RANBP17: variants seen among roughly 807,000 people sequenced by gnomAD.
The protein encoded by RANBP17 is RAN binding protein 17.
In RANBP17, 158 loss-of-function variants were observed where a neutral mutation model predicts 141.2. That is an observed-to-expected ratio of 1.12 (90% CI 0.98 to 1.28). The LOEUF (loss-of-function observed/expected upper bound fraction) is 1.28. Ranked by LOEUF, RANBP17 falls within the 50% of genes most tolerant of loss-of-function variation. The probability of loss-of-function intolerance (pLI) is 0.00; values close to 1 mark genes in which losing one functional copy is unlikely to be tolerated. For synonymous variants in RANBP17, 430 were observed against 450.0 expected (o/e 0.96, Z 0.56); for missense variants, 1,438 against 1,290.7 (o/e 1.11, Z -1.75).
rs143631212 is a variant in RANBP17 at position 171,160,832 on chromosome 5, G to A, written c.1711-9298G>A. Among the ~76,000 whole-genome samples the A allele has an allele frequency of 4.0e-5, 6 of 151,894 alleles. No homozygotes were observed. In the East Asian group the frequency reaches 1.2e-3, roughly 29 times the overall value. ...TTTGAGATGAAGTCTCACTCTTGTCGCCCAGGCTAGAATGCAATGGAGCAG... is the reference window on the plus strand; with the variant it reads ...TTTGAGATGAAGTCTCACTCTTGTCACCCAGGCTAGAATGCAATGGAGCAG... On this transcript the variant is annotated intron_variant, in intron 14 of 27. Transcript: ENST00000523189.
chr5:170,949,411 C>T (rs1775026605), intron 12 of RANBP17, among the ~76,000 whole-genome samples: 4 of 151,998 alleles, frequency 2.6e-5, no homozygotes, highest in African/African-American at 9.7e-5. Context: ...TAAAAATGGG[C>T]AATGGATTTG....
chr5:170,918,811 T>G lies in RANBP17; in HGVS notation c.1053T>G (p.Tyr351Ter), dbSNP rs1390632436. ...QLGELVMVKEYPEVIRLIANF... is the reference protein window; with the variant it reads ...QLGELVMVKE ...GAGAATTAGTTATGGTGAAGGAATATCCTGAAGTTATTAGATTGATTGCTA... is the reference window on the plus strand; with the variant it reads ...GAGAATTAGTTATGGTGAAGGAATAGCCTGAAGTTATTAGATTGATTGCTA... The change falls in exon 10 of 28, where the codon TAT becomes TAG. Residue 351 changes from tyrosine (Y) to a stop codon, truncating the protein, a stop_gained. Coordinates refer to ENST00000523189, the MANE Select transcript of RANBP17 (RefSeq NM_022897.5). LOFTEE classifies it high-confidence loss of function. 1 of 1,598,488 alleles carries G rather than the reference T, an allele frequency of 6.3e-7. No homozygotes were observed. The highest frequency in any genetic ancestry group is 2.3e-5 in the East Asian group (1 of 43,980).
intron 12 of RANBP17, among the ~76,000 whole-genome samples, chr5:170,950,178 G>A (rs1004119695): frequency 1.3e-5 from 2 of 152,082 alleles, no homozygotes; most frequent in Non-Finnish European, 2.9e-5. Flanking sequence ...ATTAATCTAT[G>A]CAAATATTTT....
intron 14 of RANBP17, among the ~76,000 whole-genome samples, chr5:171,052,976 C>G (rs556108031): frequency 1.5e-4 from 4 of 26,090 alleles, no homozygotes; most frequent in South Asian, 0.013. Flanking sequence ...CCTCAGCCTC[C>G]CAAGTAGCTA....
chr5:171,035,502 A>T (rs1365226497), intron 14 of RANBP17, among the ~76,000 whole-genome samples: 1 of 150,214 alleles, frequency 6.7e-6, no homozygotes, highest in Non-Finnish European at 1.5e-5. Context: ...TGAACATGTT[A>T]ACCCGATCAT....
At chr5:171,222,352 A>G (rs1162470449) in intron 22 of RANBP17, among the ~76,000 whole-genome samples, 1 of 152,228 alleles carries the variant, frequency 6.6e-6, no homozygotes, top group Non-Finnish European at 1.5e-5. Context: ...TTTGGGCCTT[A>G]AAACTATAAT....
At chr5:171,211,812 A>G (rs2127970378) in intron 20 of RANBP17, among the ~76,000 whole-genome samples, 1 of 152,070 alleles carries the variant, frequency 6.6e-6, no homozygotes, top group Middle Eastern at 3.4e-3. Flanking sequence ...GAAGCATACC[A>G]CTCTTAAAGT....
chr5:171,247,544 C>T (rs985952928), intron 24 of RANBP17, among the ~76,000 whole-genome samples: 7 of 151,992 alleles, frequency 4.6e-5, no homozygotes, highest in South Asian at 2.1e-4. Context: ...GATGACTTGC[C>T]GAATATTCCA....
intron 14 of RANBP17, among the ~76,000 whole-genome samples, chr5:171,017,455 G>GA: frequency 6.6e-6 from 1 of 152,172 alleles, no homozygotes; most frequent in South Asian, 2.1e-4. Context: ...TCTGGCTGGT[G>GA]TGTTATGGTA....
At chr5:170,975,495 C>T (rs1186754125) in intron 14 of RANBP17, among the ~76,000 whole-genome samples, 3 of 152,138 alleles carry the variant, frequency 2.0e-5, no homozygotes, top group African/African-American at 7.2e-5. Context: ...CACTGCACTC[C>T]AGCCTGGGTG....
At position 171,089,667 on chromosome 5, in the gene RANBP17, C is replaced by A. The variant is rs539807642; in HGVS notation, c.1711-80463C>A. Among the ~76,000 whole-genome samples the A allele has an allele frequency of 5.9e-3, 897 of 152,268 alleles. 13 individuals are homozygous for A. Among genetic ancestry groups the A allele is most frequent in the African/African-American group, 0.021 (868 of 41,586 alleles). On this transcript the variant is annotated intron_variant, in intron 14 of 27. Coordinates refer to ENST00000523189, the MANE Select transcript of RANBP17 (RefSeq NM_022897.5). Reference sequence around the variant, plus strand: ...TGTGGGATATAATCTCGTGGTGCGCCGTTTTTTAAGCCGGTCTGAAAAGCG... The same window carrying A: ...TGTGGGATATAATCTCGTGGTGCGCAGTTTTTTAAGCCGGTCTGAAAAGCG...
intron 14 of RANBP17, among the ~76,000 whole-genome samples, chr5:171,084,230 C>T (rs187642968): frequency 8.7e-5 from 13 of 148,926 alleles, no homozygotes; most frequent in South Asian, 4.4e-4. Flanking sequence ...TTTGTTCTTG[C>T]GATAGTTTAC....
In RANBP17 at chr5:171,036,478, G is replaced by A. The variant is rs567863084; in HGVS notation, c.1710+68101G>A. Among the ~76,000 whole-genome samples, 9 of 152,120 alleles carry A rather than the reference G, an allele frequency of 5.9e-5. No homozygotes were observed. In the East Asian group the frequency reaches 1.7e-3, roughly 29 times the overall value. On this transcript the variant is annotated intron_variant, in intron 14 of 27. Coordinates refer to ENST00000523189, the MANE Select transcript of RANBP17 (RefSeq NM_022897.5). ...TTTCAGCATTTATTTTTAGATGTCA[G>A]GGGTACATATGCAGGTTTATTACAT...
chr5:170,984,429 C>A (rs1422212330), intron 14 of RANBP17, among the ~76,000 whole-genome samples: 1 of 152,020 alleles, frequency 6.6e-6, no homozygotes, highest in Non-Finnish European at 1.5e-5. Context: ...AGTTTGAGAC[C>A]AGCCTGTGCA....
At chr5:171,055,880 CAAA>C (rs72488636) in intron 14 of RANBP17, among the ~76,000 whole-genome samples, 38 of 25,096 alleles carry the variant, frequency 1.5e-3, no homozygotes, top group African/African-American at 3.8e-3. Flanking sequence ...GTCCTGTTGC[CAAA>C]AAAAAAAAAA....
intron 12 of RANBP17, among the ~76,000 whole-genome samples, chr5:170,938,856 T>C (rs1774098191): frequency 6.6e-6 from 1 of 152,018 alleles, no homozygotes; most frequent in African/African-American, 2.4e-5. Flanking sequence ...AAAGATAGAA[T>C]AGAGGAAGGA....
At chr5:171,158,009 G>A (rs900915790) in intron 14 of RANBP17, among the ~76,000 whole-genome samples, 1 of 152,200 alleles carries the variant, frequency 6.6e-6, no homozygotes, top group African/African-American at 2.4e-5. Context: ...AGCAGTGACA[G>A]ATGTCTATAA....
At chr5:171,239,509 C>T (rs909944900) in intron 22 of RANBP17, among the ~76,000 whole-genome samples, 5 of 152,104 alleles carry the variant, frequency 3.3e-5, no homozygotes, top group Non-Finnish European at 7.4e-5. Context: ...CTTATACAAT[C>T]TTAGGCAAAG....
chr5:171,115,043 G>A (rs540956413), intron 14 of RANBP17, among the ~76,000 whole-genome samples: 1 of 152,016 alleles, frequency 6.6e-6, no homozygotes, highest in Admixed American at 6.6e-5. Flanking sequence ...CAAGAATGCA[G>A]TTAGCTGTGA....
Sources: allele counts gnomAD v4.1 joint callset (sites outside exome capture counted in the v4.1 genomes callset), GRCh38; gene constraint gnomAD v4.1.1; transcripts MANE v1.5; gene names NCBI Gene and HGNC (gene_info 2026-07-23, HGNC 2026-07-21).